Variants in SCAPER observed in about 807,000 individuals in gnomAD.
SCAPER encodes S phase cyclin A-associated protein in the endoplasmic reticulum.
A neutral mutation model predicts 182.2 loss-of-function variants in SCAPER; 98 were observed. The observed-to-expected ratio is 0.54, with a 90% confidence interval of 0.46 to 0.64. SCAPER has a LOEUF of 0.64. Ranked by LOEUF, SCAPER falls within the 30% of genes least tolerant of loss-of-function variation. The pLI is 0.00. For synonymous variants in SCAPER, 605 were observed against 564.6 expected, an observed-to-expected ratio of 1.07 and a Z score of -1.01; for missense variants, 1,432 against 1,690.0, an observed-to-expected ratio of 0.85 and a Z score of 2.68.
chr15:76,393,456 T>G (rs1001409848), intron 27 of SCAPER, among the ~76,000 whole-genome samples: 8 of 152,132 alleles, frequency 5.3e-5, no homozygotes, highest in African/African-American at 1.7e-4. Flanking sequence ...AACAAAATAT[T>G]TAGGAATGGG....
At chr15:76,529,990 T>C (rs1232009783) in intron 23 of SCAPER, among the ~76,000 whole-genome samples, 1 of 152,178 alleles carries the variant, frequency 6.6e-6, no homozygotes, top group Non-Finnish European at 1.5e-5. Flanking sequence ...GACCTGTTAT[T>C]GTACAGCTTA....
intron 29 of SCAPER, among the ~76,000 whole-genome samples, chr15:76,355,679 C>A (rs1187408428): frequency 6.6e-6 from 1 of 152,096 alleles, no homozygotes; most frequent in Non-Finnish European, 1.5e-5. Context: ...GGTGCAGGTA[C>A]AATGTTAAAG....
At chr15:76,802,193 A>ATTG (rs2065846759) in intron 6 of SCAPER, among the ~76,000 whole-genome samples, 1 of 152,224 alleles carries the variant, frequency 6.6e-6, no homozygotes, top group Non-Finnish European at 1.5e-5. Flanking sequence ...TTGTAAGGAT[A>ATTG]TAAACTGTAC....
chr15:76,462,216 C>T (rs185253064), intron 25 of SCAPER, among the ~76,000 whole-genome samples: 370 of 152,282 alleles, frequency 2.4e-3, no homozygotes, highest in Non-Finnish European at 4.3e-3. Context: ...AGGAAACTTA[C>T]CCAACGCTGT....
intron 8 of SCAPER, among the ~76,000 whole-genome samples, chr15:76,785,705 G>C (rs886554625): frequency 1.4e-4 from 22 of 152,094 alleles, no homozygotes; most frequent in African/African-American, 4.8e-4. Flanking sequence ...CCATAAAAAA[G>C]GATGAGTTCA....
chr15:76,903,004 T>A (rs2074878668), intron 1 of SCAPER, among the ~76,000 whole-genome samples: 1 of 149,408 alleles, frequency 6.7e-6, no homozygotes, highest in African/African-American at 2.5e-5. Context: ...GAGTTTGCAG[T>A]GAGCCAAGAT....
At chr15:76,809,261 G>A (rs1370499088) in intron 5 of SCAPER, among the ~76,000 whole-genome samples, 1 of 152,092 alleles carries the variant, frequency 6.6e-6, no homozygotes, top group East Asian at 1.9e-4. Context: ...CCAAATAAAA[G>A]AGCAAGATAA....
intron 17 of SCAPER, among the ~76,000 whole-genome samples, chr15:76,721,474 C>T (rs1252924347): frequency 1.2e-4 from 18 of 151,818 alleles, no homozygotes; most frequent in South Asian, 2.1e-4. Flanking sequence ...AAGTCATTGG[C>T]AGCTTGATGG....
rs1013078635 is a variant in SCAPER at position 76,800,518 on chromosome 15, T to C, written c.495-154A>G. ...CATGTGCAAATGTTCCCCTAGAGCA[T>C]TGCTTACCAGAAAGTTACCATACTA... On this transcript the variant is annotated intron_variant, in intron 6 of 31. Transcript: ENST00000563290. Among the ~76,000 whole-genome samples the C allele has an allele frequency of 3.0e-4, 46 of 152,310 alleles. 1 individual carries two copies. The highest frequency in any genetic ancestry group is 2.0e-4 in the Admixed American group (3 of 15,298).
At chr15:76,385,336 C>T (rs1370564217) in intron 27 of SCAPER, 1 of 152,182 alleles carries the variant, frequency 6.6e-6, no homozygotes, top group Middle Eastern at 3.2e-3. Context: ...GTTTGTTTGC[C>T]CTGATTTCCA....
chr15:76,707,550 C>A (rs993643895), intron 17 of SCAPER, among the ~76,000 whole-genome samples: 1 of 151,990 alleles, frequency 6.6e-6, no homozygotes, highest in Admixed American at 6.6e-5. Flanking sequence ...TGAATCAATA[C>A]CTCAGTAAGG....
chr15:76,555,672 T>G (rs913852856), intron 23 of SCAPER, among the ~76,000 whole-genome samples: 1 of 152,102 alleles, frequency 6.6e-6, no homozygotes, highest in African/African-American at 2.4e-5. Flanking sequence ...AGGATTCAAT[T>G]CAACAAGAAG....
At chr15:76,892,763 C>T (rs202164265) in intron 1 of SCAPER, among the ~76,000 whole-genome samples, 13 of 152,166 alleles carry the variant, frequency 8.5e-5, no homozygotes, top group South Asian at 2.1e-4. Context: ...AACAGTGTGG[C>T]GATTCCTCAA....
intron 22 of SCAPER, among the ~76,000 whole-genome samples, chr15:76,577,183 T>A (rs150413228): frequency 1.3e-5 from 2 of 152,092 alleles, no homozygotes; most frequent in African/African-American, 4.8e-5. Flanking sequence ...CAGTGGCTCA[T>A]ACCTATAATC....
At chr15:76,711,909 T>C (rs1043731553) in intron 17 of SCAPER, among the ~76,000 whole-genome samples, 3 of 152,208 alleles carry the variant, frequency 2.0e-5, no homozygotes, top group Admixed American at 2.0e-4. Context: ...CTGATGGCAG[T>C]TTCTTTTGCT....
At chr15:76,477,027 C>T (rs554435287) in intron 24 of SCAPER, among the ~76,000 whole-genome samples, 39 of 152,084 alleles carry the variant, frequency 2.6e-4, no homozygotes, top group Non-Finnish European at 5.3e-4. Flanking sequence ...AGGCTACTTG[C>T]GTATATAATA....
At chr15:76,776,135 T>A (rs3099147) in intron 8 of SCAPER, among the ~76,000 whole-genome samples, 6,735 of 152,224 alleles carry the variant, frequency 0.044, 328 homozygotes, top group African/African-American at 0.12. Context: ...GTGAGTTCCA[T>A]GGGTTTCCTT....
intron 5 of SCAPER, among the ~76,000 whole-genome samples, chr15:76,814,124 C>T (rs540355047): frequency 1.3e-5 from 2 of 152,150 alleles, no homozygotes; most frequent in African/African-American, 4.8e-5. Flanking sequence ...GCCGAGATTA[C>T]GCCACCGCGC....
chr15:76,366,653 T>C (rs893449750), intron 29 of SCAPER, among the ~76,000 whole-genome samples: 1 of 152,174 alleles, frequency 6.6e-6, no homozygotes, highest in Non-Finnish European at 1.5e-5. Context: ...TCAATGCACC[T>C]CTGAGTTGTC....
Sources: allele counts gnomAD v4.1 joint callset (sites outside exome capture counted in the v4.1 genomes callset), GRCh38; gene constraint gnomAD v4.1.1; transcripts MANE v1.5; gene names NCBI Gene and HGNC (gene_info 2026-07-23, HGNC 2026-07-21).